The following LRRC61 variants were observed in gnomAD, a reference collection of about 807,000 sequenced individuals.
LRRC61 encodes the protein leucine rich repeat containing 61.
Under a neutral mutation model 15.1 loss-of-function variants are expected in LRRC61, and 9 were observed. The ratio of observed to expected loss-of-function variants is 0.60; its 90% CI spans 0.36 to 1.04. The LOEUF is 1.04. Ranked by LOEUF, LRRC61 falls within the 50% of genes least tolerant of loss-of-function variation. The probability of loss-of-function intolerance (pLI) is 0.01; values close to 1 mark genes in which losing one functional copy is unlikely to be tolerated. For synonymous variants in LRRC61, 173 were observed against 158.6 expected (o/e 1.09, Z -0.68); for missense variants, 344 against 335.6 (o/e 1.03, Z -0.20).
chr7:150,329,482 C>T (rs1479970759), intron 2 of LRRC61, among the ~76,000 whole-genome samples: 2 of 152,128 alleles, frequency 1.3e-5, no homozygotes, highest in Admixed American at 6.5e-5. Flanking sequence ...CTGCAGCGGT[C>T]CCCCAGCCAC....
upstream of LRRC61, among the ~76,000 whole-genome samples, chr7:150,319,668 ATTGT>A (rs1457649117): frequency 2.0e-5 from 3 of 152,120 alleles, no homozygotes; most frequent in Non-Finnish European, 2.9e-5. Flanking sequence ...TTATTTATTT[ATTGT>A]TTGTTTGCCC....
rs573584543 is a variant in LRRC61, at chr7:150,330,808, G to C, written c.-145+4798G>C. 2 of 1,611,604 alleles carry C rather than the reference G, an allele frequency of 1.2e-6. No individual in the cohort carries two copies. The highest frequency in any genetic ancestry group is 1.3e-5 in the African/African-American group (1 of 75,014). ...AGGGGTCTGTGCGTGGACCCCACCAGGGTAGCCAAGAGCTCCGGGGTGGAG... is the reference window on the plus strand; with the variant it reads ...AGGGGTCTGTGCGTGGACCCCACCACGGTAGCCAAGAGCTCCGGGGTGGAG... On this transcript the variant is annotated intron_variant, in intron 2 of 2. Coordinates refer to ENST00000359623, the MANE Select transcript of LRRC61 (RefSeq NM_001142928.2). The surrounding 1 kb of genome is among the most constrained non-coding windows in gnomAD (Gnocchi z 4.6).
At chr7:150,312,359 A>T in the LRRC61 span, among the ~76,000 whole-genome samples, 28 of 152,302 alleles carry the variant, frequency 1.8e-4, no homozygotes, top group African/African-American at 6.5e-4. Context: ...AAACTATTGA[A>T]CTTCTCCGTT....
At chr7:150,315,140 AT>A in the LRRC61 span, among the ~76,000 whole-genome samples, 1 of 147,628 alleles carries the variant, frequency 6.8e-6, no homozygotes, top group Non-Finnish European at 1.5e-5. Context: ...AATAAATAAT[AT>A]TTATTATTAT....
chr7:150,328,875 G>C (rs1273010493), intron 2 of LRRC61: 3 of 152,212 alleles, frequency 2.0e-5, no homozygotes, highest in African/African-American at 7.2e-5. Flanking sequence ...CTCTGTTGTG[G>C]ATGGTAGGCC....
upstream of LRRC61, among the ~76,000 whole-genome samples, chr7:150,322,053 G>A (rs976568805): frequency 6.6e-6 from 1 of 152,226 alleles, no homozygotes; most frequent in African/African-American, 2.4e-5. Flanking sequence ...GGGACAAACA[G>A]GCATTTTGTG....
rs752174101 is a variant in LRRC61, at chr7:150,323,372, G to C, written c.-503G>C. The C allele has an allele frequency of 2.3e-4, 68 of 292,246 alleles. No individual in the cohort carries two copies. The highest frequency in any genetic ancestry group is 3.5e-4 in the Non-Finnish European group (53 of 151,028). 18.1% of individuals were successfully genotyped at this position (292,246 alleles called of 1,614,324 possible). ...CGTTCCGGGAGCTCAGGCCTGCGGC[G>C]CTGGGAGAAGCACGCTGGCCAACAA... is the stretch of plus-strand genomic sequence containing the variant. On this transcript the variant is annotated 5_prime_UTR_variant, in exon 1 of 3. Coordinates refer to ENST00000359623, the MANE Select transcript of LRRC61 (RefSeq NM_001142928.2).
chr7:150,311,993 A>G, the LRRC61 span, among the ~76,000 whole-genome samples: 1 of 152,182 alleles, frequency 6.6e-6, no homozygotes, highest in South Asian at 2.1e-4. Flanking sequence ...CCTCTCTAAT[A>G]AAGGCCCTTC....
At chr7:150,322,699 C>T (rs1416112104), upstream of LRRC61, 1 of 152,212 alleles carries the variant, frequency 6.6e-6, no homozygotes, top group African/African-American at 2.4e-5. Context: ...ATGGAGTAGC[C>T]ATCCTTTTAC....
At chr7:150,324,335 G>A (rs894273892) in intron 1 of LRRC61, 1 of 152,624 alleles carries the variant, frequency 6.6e-6, no homozygotes, top group Middle Eastern at 3.4e-3. Flanking sequence ...AATGCCCAGG[G>A]TGGGGTTCTA....
chr7:150,330,312 G>A lies in LRRC61; in HGVS notation c.-145+4302G>A, dbSNP rs1359650977. ...GCAGCAGCCCCTTCAAGAGTACAAG[G>A]GCAGGCACCAGCTGGGGAAGGCTGG... On this transcript the variant is annotated intron_variant, in intron 2 of 2. Transcript: ENST00000359623. This position sits in a 1 kb window ranked among gnomAD's most constrained non-coding sequence, Gnocchi z 4.6. 1.7e-5 allele frequency: 12 copies of A among 716,824 alleles called. No individual in the cohort carries two copies. Among genetic ancestry groups the A allele is most frequent in the Middle Eastern group, 7.6e-4 (2 of 2,630 alleles). The allele number at this position is 716,824 out of a possible 1,614,324, so 44.4% of individuals were successfully genotyped here.
Position 150,338,084 on chromosome 7 carries a change from AC to A in LRRC61, c.*448del. 1.0e-5 allele frequency: 5 copies of A among 482,800 alleles called. No individual in the cohort carries two copies. Among genetic ancestry groups the A allele is most frequent in the South Asian group, 4.0e-5 (2 of 50,362 alleles). 29.9% of individuals were successfully genotyped at this position (482,800 alleles called of 1,614,324 possible). ...GCCTCTCCAGACTGCTCCTGCACTT[AC>A]CCCCTCCCCGCAGCACCTTCTCTGC... On this transcript the variant is annotated 3_prime_UTR_variant, in exon 3 of 3. Coordinates refer to ENST00000359623, the MANE Select transcript of LRRC61 (RefSeq NM_001142928.2).
chr7:150,332,348 T>G (rs1237327129), intron 2 of LRRC61: 2 of 166,922 alleles, frequency 1.2e-5, no homozygotes, highest in African/African-American at 4.8e-5. Flanking sequence ...GGGTGGCTGC[T>G]GAGATGCAGG....
rs79275116 is a variant in LRRC61 at position 150,330,682 on chromosome 7, C to T, written c.-145+4672C>T. 2.1e-3 allele frequency: 2,928 copies of T among 1,411,400 alleles called. 59 individuals are homozygous for T. In the African/African-American group the frequency reaches 0.037, roughly 18 times the overall value. The allele number at this position is 1,411,400 out of a possible 1,614,324, so 87.4% of individuals were successfully genotyped here. A position where few individuals can be genotyped will look rare whatever the true frequency, so the allele number is the denominator to read the frequency against. On this transcript the variant is annotated intron_variant, in intron 2 of 2. Transcript: ENST00000359623. The surrounding 1 kb of genome is among the most constrained non-coding windows in gnomAD (Gnocchi z 4.6). The stretch of plus-strand genomic sequence containing the variant: ...ATTGAGGCCATCCTGCCATGGGGGC[C>T]GACCGACATTGACCACTGGAAGCAA...
chr7:150,334,104 C>T (rs888250527), intron 2 of LRRC61: 5 of 985,270 alleles, frequency 5.1e-6, no homozygotes, highest in East Asian at 1.1e-4. Context: ...TGAGCATGCA[C>T]AGTTGCCTGC....
intron 2 of LRRC61, 97 bp downstream of exon 2, chr7:150,326,107 G>C (rs189317136): frequency 6.6e-6 from 1 of 152,128 alleles, no homozygotes; most frequent in Non-Finnish European, 1.5e-5. Context: ...ATCCCTCCCC[G>C]CCTCATAGCA....
the LRRC61 span, among the ~76,000 whole-genome samples, chr7:150,313,838 ACCTGGAGACCTG>A: frequency 6.6e-6 from 1 of 152,204 alleles, no homozygotes; most frequent in Non-Finnish European, 1.5e-5. Flanking sequence ...CTTGGCAGCT[ACCTGGAGACCTG>A]CCTGGAGCCT....
intron 1 of LRRC61, among the ~76,000 whole-genome samples, chr7:150,325,281 C>G (rs925541095): frequency 6.6e-6 from 1 of 152,254 alleles, no homozygotes; most frequent in Non-Finnish European, 1.5e-5. Flanking sequence ...TTCCCTTTTG[C>G]CTCCCAGGGA....
chr7:150,314,968 A>ATAAATAGTATTATTTTTAATAATATTAT, the LRRC61 span, among the ~76,000 whole-genome samples: 9 of 147,848 alleles, frequency 6.1e-5, no homozygotes, highest in Non-Finnish European at 1.5e-5. Context: ...ATAATAAATA[A>ATAAATAGTATTATTTTTAATAATATTAT]TAAATAGTAT....
Sources: allele counts gnomAD v4.1 joint callset (sites outside exome capture counted in the v4.1 genomes callset), GRCh38; gene constraint gnomAD v4.1.1; non-coding constraint Gnocchi (gnomAD v3.1); transcripts MANE v1.5; gene names NCBI Gene and HGNC (gene_info 2026-07-23, HGNC 2026-07-21).